The following LRMDA variants were observed in gnomAD, a reference collection of about 807,000 sequenced individuals.
LRMDA encodes leucine-rich melanocyte differentiation-associated protein.
A neutral mutation model predicts 29.8 loss-of-function variants in LRMDA; 18 were observed. The ratio of observed to expected loss-of-function variants is 0.60; its 90% confidence interval spans 0.42 to 0.90. The LOEUF (loss-of-function observed/expected upper bound fraction) is 0.90. LRMDA is among the 40% of genes least tolerant of loss of function. The pLI is 0.00. For synonymous variants in LRMDA, 125 were observed against 109.4 expected, an observed-to-expected ratio of 1.14 and a Z score of -0.89; for missense variants, 273 against 273.9, an observed-to-expected ratio of 1.00 and a Z score of 0.02.
intron 6 of LRMDA, among the ~76,000 whole-genome samples, chr10:76,493,798 A>C (rs999110535): frequency 2.6e-5 from 4 of 152,018 alleles, no homozygotes; most frequent in Admixed American, 1.3e-4. Context: ...TTTGATTGGG[A>C]TTGTCTTAAA....
chr10:75,565,117 G>A (rs1306475416), intron 2 of LRMDA, among the ~76,000 whole-genome samples: 2 of 152,186 alleles, frequency 1.3e-5, no homozygotes, highest in African/African-American at 2.4e-5. Flanking sequence ...AACTCTAGAA[G>A]CAAAAGCTTT....
chr10:75,465,496 T>C (rs185182726), intron 2 of LRMDA, among the ~76,000 whole-genome samples: 1 of 152,158 alleles, frequency 6.6e-6, no homozygotes, highest in South Asian at 2.1e-4. Flanking sequence ...CCTCTCTTGG[T>C]TTTTCATTGC....
intron 2 of LRMDA, among the ~76,000 whole-genome samples, chr10:75,967,618 T>C (rs915817141): frequency 3.3e-5 from 5 of 152,232 alleles, no homozygotes; most frequent in African/African-American, 9.6e-5. Flanking sequence ...AAAACATTCA[T>C]TGGAGAGGGT....
chr10:75,712,665 C>T (rs1472159572), intron 2 of LRMDA, among the ~76,000 whole-genome samples: 1 of 152,166 alleles, frequency 6.6e-6, no homozygotes, highest in East Asian at 1.9e-4. Flanking sequence ...CCCTCAGCTC[C>T]CACAGCAATT....
At chr10:75,932,691 A>G (rs1304146572) in intron 2 of LRMDA, among the ~76,000 whole-genome samples, 3 of 152,322 alleles carry the variant, frequency 2.0e-5, no homozygotes, top group Non-Finnish European at 2.9e-5. Context: ...GCCTGAGTAA[A>G]TTATCTGCCC....
intron 2 of LRMDA, among the ~76,000 whole-genome samples, chr10:75,854,262 A>G (rs1844783590): frequency 6.6e-6 from 1 of 152,118 alleles, no homozygotes; most frequent in South Asian, 2.1e-4. Flanking sequence ...TTATTGCTCA[A>G]GGTTTCTGGA....
chr10:75,714,050 G>A (rs958926064), intron 2 of LRMDA, among the ~76,000 whole-genome samples: 2 of 152,128 alleles, frequency 1.3e-5, no homozygotes, highest in Non-Finnish European at 2.9e-5. Flanking sequence ...ACAAAGACTT[G>A]TTATCTGAGG....
rs528671402 is a variant in LRMDA at position 76,216,978 on chromosome 10, A to T, written c.517-107423A>T. ...ATATGACAATATTGTATATCTTGTA[A>T]TAGGTAGAAAGTGAAAAACAAATAT... On this transcript the variant is annotated intron_variant, in intron 5 of 6. Transcript: ENST00000611255. Among the ~76,000 whole-genome samples the T allele has an allele frequency of 9.8e-5, 15 of 152,332 alleles. No homozygotes were observed. In the South Asian group the frequency reaches 2.7e-3, roughly 27 times the overall value.
At chr10:76,529,591 C>T (rs923010892) in intron 6 of LRMDA, among the ~76,000 whole-genome samples, 4 of 152,120 alleles carry the variant, frequency 2.6e-5, no homozygotes, top group Non-Finnish European at 5.9e-5. Context: ...TTAGATTCTG[C>T]TGCAGGTGGC....
At chr10:76,161,708 T>C (rs540743439) in intron 5 of LRMDA, among the ~76,000 whole-genome samples, 1 of 152,300 alleles carries the variant, frequency 6.6e-6, no homozygotes, top group East Asian at 1.9e-4. Context: ...ACTGTCCACC[T>C]GGCCTTCCTG....
At chr10:75,689,041 AC>A (rs1206830762) in intron 2 of LRMDA, among the ~76,000 whole-genome samples, 4 of 152,030 alleles carry the variant, frequency 2.6e-5, no homozygotes, top group Admixed American at 6.6e-5. Flanking sequence ...CAAAAAAAAA[AC>A]CCAATTTGGA....
At chr10:75,810,870 C>T (rs1448385513) in intron 2 of LRMDA, among the ~76,000 whole-genome samples, 1 of 152,162 alleles carries the variant, frequency 6.6e-6, no homozygotes, top group African/African-American at 2.4e-5. Context: ...ATCAGGGTTA[C>T]CCTGTTTAAA....
intron 2 of LRMDA, among the ~76,000 whole-genome samples, chr10:75,868,868 C>CCG (rs1483449040): frequency 2.6e-5 from 4 of 152,194 alleles, no homozygotes; most frequent in Non-Finnish European, 5.9e-5. Flanking sequence ...ACACATGCAG[C>CCG]TCCGTCCTGT....
chr10:75,684,149 T>TGA (rs1842056025), intron 2 of LRMDA, among the ~76,000 whole-genome samples: 1 of 152,228 alleles, frequency 6.6e-6, no homozygotes, highest in African/African-American at 2.4e-5. Flanking sequence ...GAAAGCAGTG[T>TGA]GAGGCATTAT....
At chr10:76,056,480 A>C (rs1848616511) in intron 4 of LRMDA, among the ~76,000 whole-genome samples, 1 of 152,130 alleles carries the variant, frequency 6.6e-6, no homozygotes. Context: ...TGCTGTCTAT[A>C]GTGCCCATGG....
chr10:75,922,441 G>T (rs191521276), intron 2 of LRMDA, among the ~76,000 whole-genome samples: 3 of 152,292 alleles, frequency 2.0e-5, no homozygotes, highest in Admixed American at 6.5e-5. Context: ...ATCTGTCCTT[G>T]TTGGGAGCCC....
chr10:75,762,367 CT>C (rs920998908), intron 2 of LRMDA, among the ~76,000 whole-genome samples: 3 of 152,166 alleles, frequency 2.0e-5, no homozygotes, highest in African/African-American at 4.8e-5. Flanking sequence ...TTTCTGTGAT[CT>C]TTTTTTTCTT....
chr10:76,041,416 C>T (rs1368833418), intron 3 of LRMDA, among the ~76,000 whole-genome samples: 1 of 152,124 alleles, frequency 6.6e-6, no homozygotes, highest in African/African-American at 2.4e-5. Flanking sequence ...GCTGTGTGAC[C>T]GTTAACCCGT....
chr10:76,203,951 C>G (rs945394583), intron 5 of LRMDA, among the ~76,000 whole-genome samples: 2 of 150,514 alleles, frequency 1.3e-5, no homozygotes. Context: ...GCCCATCTAC[C>G]CATCTCTATT....
Sources: allele counts gnomAD v4.1 joint callset (sites outside exome capture counted in the v4.1 genomes callset), GRCh38; gene constraint gnomAD v4.1.1; transcripts MANE v1.5; gene names NCBI Gene and HGNC (gene_info 2026-07-23, HGNC 2026-07-21).